MORN2: variants seen among roughly 807,000 people sequenced by gnomAD.
The protein encoded by MORN2 is MORN repeat containing 2.
MORN2 carries 15 observed loss-of-function variants against 13.4 expected under a neutral mutation model. The ratio of observed to expected loss-of-function variants is 1.12; its 90% CI spans 0.75 to 1.72. The LOEUF (loss-of-function observed/expected upper bound fraction) is 1.72. Among genes scored for constraint, MORN2 ranks in the 40% most tolerant of loss-of-function variants. MORN2 has a pLI of 0.00. For missense variants in MORN2, 168 were observed against 134.6 expected (o/e 1.25, Z -1.23); for synonymous variants, 46 against 43.6 (o/e 1.06, Z -0.22).
intron 1 of MORN2, chr2:38,876,319 G>C (rs1665618920): frequency 2.6e-6 from 1 of 390,362 alleles, no homozygotes; most frequent in African/African-American, 2.1e-5. Context: ...CCCGAGGCGC[G>C]TGCCAACCTC....
chr2:38,880,067 G>C (rs1665740438), intron 1 of MORN2, 112 bp from the exon 2 acceptor site: 1 of 381,572 alleles, frequency 2.6e-6, no homozygotes, highest in Non-Finnish European at 4.6e-6. Context: ...GCTGAGGCGG[G>C]AGGATCGCTT....
At chr2:38,879,886 A>G (rs1665737275) in intron 1 of MORN2, among the ~76,000 whole-genome samples, 1 of 152,198 alleles carries the variant, frequency 6.6e-6, no homozygotes, top group Non-Finnish European at 1.5e-5. Flanking sequence ...TTTCCCCGGG[A>G]CCCTACATTA....
At chr2:38,877,570 A>G (rs1437201217) in intron 1 of MORN2, among the ~76,000 whole-genome samples, 1 of 152,020 alleles carries the variant, frequency 6.6e-6, no homozygotes, top group Non-Finnish European at 1.5e-5. Flanking sequence ...TTCTAGCAAG[A>G]TTGCTCTCTA....
intron 1 of MORN2, among the ~76,000 whole-genome samples, chr2:38,879,521 C>A (rs746518669): frequency 1.3e-5 from 2 of 151,922 alleles, no homozygotes; most frequent in Non-Finnish European, 2.9e-5. Flanking sequence ...TTAAGTGAAA[C>A]GAGCCAGACA....
In MORN2 at chr2:38,881,839, C is replaced by T. The variant is rs139587558; in HGVS notation, c.353+261C>T. Among the ~76,000 whole-genome samples, 455 of 152,202 alleles carry T rather than the reference C, an allele frequency of 3.0e-3. 5 individuals carry two copies. The highest frequency in any genetic ancestry group is 0.01 in the Middle Eastern group (3 of 294). On this transcript the variant is annotated intron_variant, in intron 4 of 4. Coordinates refer to ENST00000644631, the MANE Select transcript of MORN2 (RefSeq NM_001145450.3). ...CTATTTTTTGTATTTTCAGTAGGGA[C>T]GGGGTTTCACCGTGTTGAGCAGGCT...
chr2:38,879,656 G>T (rs1387363223), intron 1 of MORN2, among the ~76,000 whole-genome samples: 4 of 152,148 alleles, frequency 2.6e-5, no homozygotes. Context: ...TGTTTGAGGG[G>T]AATCATAATG....
At chr2:38,880,900 C>T (rs1665759463) in intron 3 of MORN2, among the ~76,000 whole-genome samples, 194 bp downstream of exon 3, 1 of 152,208 alleles carries the variant, frequency 6.6e-6, no homozygotes, top group South Asian at 2.1e-4. Context: ...TCGTTACTTT[C>T]TTTCTCATCT....
intron 4 of MORN2, 101 bp downstream of exon 4, chr2:38,881,679 C>G: frequency 1.1e-6 from 1 of 951,682 alleles, no homozygotes; most frequent in Non-Finnish European, 1.5e-6. Flanking sequence ...GAGACAGAGT[C>G]TCCCTCTGTC....
rs1665777365 is a variant in MORN2, at chr2:38,881,528, T to G, written c.303T>G (p.Thr101=). The G allele has an allele frequency of 6.5e-7, 1 of 1,541,976 alleles. No homozygotes were observed. The highest frequency in any genetic ancestry group is 2.0e-5 in the Admixed American group (1 of 49,234). ...ATAATATGTTTCATGGACTGGGGAC[T>G]TACACATTCCCAAATGGGGCAAAGT... The change falls in exon 4 of 5, where the codon ACT becomes ACG. Residue 101 remains threonine (T), a synonymous_variant. Transcript: ENST00000644631.
chr2:38,880,132 GA>G (rs1264199028), intron 1 of MORN2, 46 bp from the exon 2 acceptor site: 6 of 396,302 alleles, frequency 1.5e-5, no homozygotes, highest in African/African-American at 8.2e-5. Context: ...TGCCTCTATC[GA>G]AAAAAAAGTA....
chr2:38,882,326 A>G lies in MORN2; in HGVS notation c.354-87A>G, dbSNP rs569232917. 23 of 704,950 alleles carry G rather than the reference A, an allele frequency of 3.3e-5. No homozygotes were observed. The East Asian group carries it at 5.6e-4, about 17-fold the overall frequency. The allele number at this position is 704,950 out of a possible 1,614,324, so 43.7% of individuals were successfully genotyped here. Reference sequence around the variant, plus strand: ...AAAGTAGAGGATATAATCTTCAGACATAGTATATATTATGCTAGAAAATCT... The same window carrying G: ...AAAGTAGAGGATATAATCTTCAGACGTAGTATATATTATGCTAGAAAATCT... On this transcript the variant is annotated intron_variant, in intron 4 of 4. Transcript: ENST00000644631.
Position 38,875,995 on chromosome 2 carries a change from C to T in MORN2, c.-58C>T. On this transcript the variant is annotated 5_prime_UTR_variant, in exon 1 of 5. Transcript: ENST00000644631. Reference sequence around the variant, plus strand: ...CCGGGTGAGAGGTGCCCGGTCGCCCCAGCAACCAAGTCGCACCTGGAGCTG... The same window carrying T: ...CCGGGTGAGAGGTGCCCGGTCGCCCTAGCAACCAAGTCGCACCTGGAGCTG... The T allele has an allele frequency of 2.5e-6, 1 of 398,730 alleles. No individual in the cohort carries two copies. The highest frequency in any genetic ancestry group is 4.4e-6 in the Non-Finnish European group (1 of 226,200). The allele number at this position is 398,730 out of a possible 1,614,324, so 24.7% of individuals were successfully genotyped here.
At chr2:38,879,731 G>C (rs555204838) in intron 1 of MORN2, among the ~76,000 whole-genome samples, 11 of 152,240 alleles carry the variant, frequency 7.2e-5, no homozygotes, top group Admixed American at 5.9e-4. Context: ...ATTAGATTGT[G>C]ATGATAGTTG....
intron 1 of MORN2, among the ~76,000 whole-genome samples, chr2:38,879,888 C>G (rs1665737378): frequency 6.6e-6 from 1 of 151,916 alleles, no homozygotes; most frequent in Non-Finnish European, 1.5e-5. Flanking sequence ...TCCCCGGGAC[C>G]CTACATTAGA....
intron 1 of MORN2, among the ~76,000 whole-genome samples, chr2:38,879,776 A>AT (rs1249028177): frequency 6.6e-6 from 1 of 152,272 alleles, no homozygotes; most frequent in African/African-American, 2.4e-5. Context: ...ATCAAATTGT[A>AT]TTTTTTTAAA....
chr2:38,881,988 T>C (rs1041161771), intron 4 of MORN2, among the ~76,000 whole-genome samples: 10 of 152,366 alleles, frequency 6.6e-5, no homozygotes, highest in African/African-American at 2.4e-4. Flanking sequence ...AAATATTCTT[T>C]TATGATATAG....
chr2:38,882,483 G>T lies in MORN2; in HGVS notation c.424G>T (p.Ala142Ser). The T allele has an allele frequency of 6.4e-7, 1 of 1,550,426 alleles. No homozygotes were observed. The highest frequency in any genetic ancestry group is 8.7e-7 in the Non-Finnish European group (1 of 1,146,260). The change falls in exon 5 of 5, where the codon GCT (alanine) becomes TCT (serine). Residue 142 changes from alanine to serine, a missense_variant. Physicochemically the swap from Ala to Ser is moderately conservative, Grantham distance 99. Transcript: ENST00000644631. ...GAGTGGTAACTTTCATTTTACAGCT[G>T]CTCCAGACCTGAAATTAAAGCTTCA...
At chr2:38,880,422 A>T (rs571132977) in intron 2 of MORN2, among the ~76,000 whole-genome samples, 178 bp from the exon 3 acceptor site, 3 of 152,334 alleles carry the variant, frequency 2.0e-5, no homozygotes, top group African/African-American at 7.2e-5. Context: ...GGATCTGTCA[A>T]TCTTCCTGGC....
chr2:38,877,389 C>T (rs910102144), intron 1 of MORN2, among the ~76,000 whole-genome samples: 1 of 152,110 alleles, frequency 6.6e-6, no homozygotes, highest in Non-Finnish European at 1.5e-5. Flanking sequence ...ATGTAAATAA[C>T]TAATTAATGA....
Sources: gnomAD v4.1 joint callset for allele counts (sites outside exome capture counted in the v4.1 genomes callset) on GRCh38, gnomAD v4.1.1 for gene constraint, MANE v1.5 for transcripts, NCBI Gene and HGNC (gene_info 2026-07-23, HGNC 2026-07-21) for gene names.